NCOA1: variants seen among roughly 807,000 people sequenced by gnomAD.
The protein encoded by NCOA1 is Hin-2 protein.
A neutral mutation model predicts 150.9 loss-of-function variants in NCOA1; 35 were observed. That is an observed-to-expected ratio of 0.23 (90% CI 0.18 to 0.31). The LOEUF is 0.31. Among genes scored for constraint, NCOA1 ranks in the 10% least tolerant of loss-of-function variants. NCOA1 has a pLI of 1.00. For missense variants in NCOA1, 1,491 were observed against 1,749.3 expected, an observed-to-expected ratio of 0.85 and a Z score of 2.63; for synonymous variants, 590 against 630.0, an observed-to-expected ratio of 0.94 and a Z score of 0.95.
chr2:24,704,518 T>G (rs546380513), intron 11 of NCOA1, among the ~76,000 whole-genome samples: 45 of 152,322 alleles, frequency 3.0e-4, no homozygotes, highest in Middle Eastern at 6.8e-3. Context: ...GGCTTACGCC[T>G]GTAATCACAG....
intron 6 of NCOA1, among the ~76,000 whole-genome samples, chr2:24,668,125 A>C (rs1380551067): frequency 1.3e-5 from 2 of 152,216 alleles, no homozygotes; most frequent in Non-Finnish European, 2.9e-5. Context: ...TGATTTGAAG[A>C]AATCTCTTAG....
intron 3 of NCOA1, among the ~76,000 whole-genome samples, chr2:24,619,353 A>T (rs986164114): frequency 2.6e-5 from 4 of 152,218 alleles, no homozygotes; most frequent in African/African-American, 9.7e-5. Context: ...CTTTTCCCAC[A>T]AAGTATTAAT....
intron 11 of NCOA1, among the ~76,000 whole-genome samples, chr2:24,698,679 G>A (rs1673012698): frequency 6.6e-6 from 1 of 152,084 alleles, no homozygotes; most frequent in Non-Finnish European, 1.5e-5. Context: ...CTAATCTCTA[G>A]ATAGTTTCTT....
chr2:24,732,683 A>C (rs1050519170), intron 17 of NCOA1, among the ~76,000 whole-genome samples: 1 of 152,176 alleles, frequency 6.6e-6, no homozygotes, highest in African/African-American at 2.4e-5. Context: ...TGACAATCCA[A>C]AATGAAAGCA....
At chr2:24,614,561 T>C (rs1558840673) in intron 3 of NCOA1, among the ~76,000 whole-genome samples, 1 of 152,002 alleles carries the variant, frequency 6.6e-6, no homozygotes, top group Non-Finnish European at 1.5e-5. Flanking sequence ...ACGTTTAAAA[T>C]AGAAATGTTT....
chr2:24,502,601 C>T (rs1026828238), intron 1 of NCOA1, among the ~76,000 whole-genome samples: 3 of 152,146 alleles, frequency 2.0e-5, no homozygotes, highest in Non-Finnish European at 4.4e-5. Context: ...TAAACCTTTC[C>T]AGTGTTTGGC....
chr2:24,690,188 G>A (rs1033389518), intron 8 of NCOA1, among the ~76,000 whole-genome samples: 1 of 152,116 alleles, frequency 6.6e-6, no homozygotes, highest in Non-Finnish European at 1.5e-5. Flanking sequence ...GAGACAATGA[G>A]CATCAAAGAT....
intron 1 of NCOA1, among the ~76,000 whole-genome samples, chr2:24,504,284 A>G (rs1294242685): frequency 6.6e-6 from 1 of 152,210 alleles, no homozygotes; most frequent in Non-Finnish European, 1.5e-5. Context: ...GTTTTTAGTT[A>G]ATAAAATAGG....
intron 2 of NCOA1, among the ~76,000 whole-genome samples, chr2:24,578,695 A>G (rs1667082737): frequency 6.6e-6 from 1 of 152,158 alleles, no homozygotes; most frequent in African/African-American, 2.4e-5. Context: ...GGAATAACTC[A>G]TTTGAGAGGT....
At chr2:24,632,550 A>C (rs1669752994) in intron 3 of NCOA1, among the ~76,000 whole-genome samples, 1 of 152,172 alleles carries the variant, frequency 6.6e-6, no homozygotes, top group East Asian at 1.9e-4. Context: ...GAATTAAGTG[A>C]GTACTGACAT....
chr2:24,629,391 A>C (rs4665707), intron 3 of NCOA1, among the ~76,000 whole-genome samples: 6,260 of 151,924 alleles, frequency 0.041, 161 homozygotes, highest in East Asian at 0.12. Context: ...ATAAAAGTTT[A>C]TAATCTGCCT....
At chr2:24,611,044 C>T (rs1042300999) in intron 3 of NCOA1, among the ~76,000 whole-genome samples, 2 of 151,938 alleles carry the variant, frequency 1.3e-5, no homozygotes, top group Admixed American at 1.3e-4. Context: ...TGTGAATGAC[C>T]CTGTCACCCA....
chr2:24,740,727 T>A (rs1471759836), intron 18 of NCOA1, among the ~76,000 whole-genome samples: 2 of 152,214 alleles, frequency 1.3e-5, no homozygotes, highest in Non-Finnish European at 2.9e-5. Flanking sequence ...GCTAGCTAAT[T>A]CAGGAGTAAT....
At chr2:24,730,120 A>AG (rs2148642898) in intron 17 of NCOA1, among the ~76,000 whole-genome samples, 1 of 152,338 alleles carries the variant, frequency 6.6e-6, no homozygotes, top group East Asian at 1.9e-4. Flanking sequence ...CTGGGATTAC[A>AG]GGCGTGAGCC....
chr2:24,747,222 G>A (rs1338599334), intron 19 of NCOA1, among the ~76,000 whole-genome samples: 1 of 151,196 alleles, frequency 6.6e-6, no homozygotes, highest in East Asian at 1.9e-4. Context: ...GCTTGCTCTT[G>A]TACTTGGAGT....
At chr2:24,537,680 G>A (rs933952085) in intron 1 of NCOA1, among the ~76,000 whole-genome samples, 1 of 152,038 alleles carries the variant, frequency 6.6e-6, no homozygotes, top group South Asian at 2.1e-4. Flanking sequence ...AAAGATCAAA[G>A]TTAATAAAGT....
At chr2:24,695,030 T>C (rs1314424548) in intron 10 of NCOA1, among the ~76,000 whole-genome samples, 1 of 152,094 alleles carries the variant, frequency 6.6e-6, no homozygotes, top group Non-Finnish European at 1.5e-5. Context: ...GGGGGAGGCC[T>C]AAAAGTTATG....
At chr2:24,568,946 C>G (rs1408308287) in intron 2 of NCOA1, among the ~76,000 whole-genome samples, 2 of 152,252 alleles carry the variant, frequency 1.3e-5, no homozygotes, top group Non-Finnish European at 2.9e-5. Context: ...TGTTATTGGT[C>G]TGTTGTTTTT....
chr2:24,646,668 G>A (rs534407476), intron 4 of NCOA1, among the ~76,000 whole-genome samples: 1 of 151,338 alleles, frequency 6.6e-6, no homozygotes, highest in Non-Finnish European at 1.5e-5. Flanking sequence ...GGCTGTGATA[G>A]GGGATGGAGA....
Sources: gnomAD v4.1 joint callset for allele counts (sites outside exome capture counted in the v4.1 genomes callset) on GRCh38, gnomAD v4.1.1 for gene constraint, MANE v1.5 for transcripts, NCBI Gene and HGNC (gene_info 2026-07-23, HGNC 2026-07-21) for gene names.